Variants in ADGRG6 observed in about 807,000 individuals in gnomAD.
ADGRG6 encodes G-protein coupled receptor 126.
A neutral mutation model predicts 142.4 loss-of-function variants in ADGRG6; 84 were observed. The ratio of observed to expected loss-of-function variants is 0.59; its 90% CI spans 0.49 to 0.71. ADGRG6 has a LOEUF of 0.71. Ranked by LOEUF, ADGRG6 falls within the 30% of genes least tolerant of loss-of-function variation. ADGRG6 has a pLI of 0.00. For missense variants in ADGRG6, 1,367 were observed against 1,466.6 expected (o/e 0.93, Z 1.11); for synonymous variants, 521 against 520.5 (o/e 1.00, Z -0.01).
chr6:142,346,029 C>T (rs1016703026), intron 2 of ADGRG6, among the ~76,000 whole-genome samples: 1 of 152,090 alleles, frequency 6.6e-6, no homozygotes, highest in Non-Finnish European at 1.5e-5. Flanking sequence ...ACTTTAGTTC[C>T]TGTGAAGGGA....
At chr6:142,376,520 G>C (rs1390792713) in intron 4 of ADGRG6, among the ~76,000 whole-genome samples, 3 of 151,944 alleles carry the variant, frequency 2.0e-5, no homozygotes, top group African/African-American at 7.3e-5. Flanking sequence ...GTTTGCTAAG[G>C]TTTCATCAAC....
At chr6:142,436,904 T>G (rs996023715) in intron 22 of ADGRG6, among the ~76,000 whole-genome samples, 1 of 152,180 alleles carries the variant, frequency 6.6e-6, no homozygotes, top group Non-Finnish European at 1.5e-5. Context: ...GCCGCATGAT[T>G]TTGCTGATTT....
intron 21 of ADGRG6, among the ~76,000 whole-genome samples, chr6:142,419,241 C>A (rs1313041066): frequency 6.6e-6 from 1 of 152,112 alleles, no homozygotes; most frequent in African/African-American, 2.4e-5. Context: ...TCAGGGCCAA[C>A]AACTCTGCAG....
chr6:142,318,024 AT>A (rs1185507076), intron 2 of ADGRG6, among the ~76,000 whole-genome samples: 2 of 52,062 alleles, frequency 3.8e-5, no homozygotes, highest in Non-Finnish European at 3.1e-5. Context: ...TGTTATATAT[AT>A]TATATATAAT....
intron 9 of ADGRG6, 28 bp downstream of exon 9, chr6:142,393,986 A>G (rs980341809): frequency 5.8e-6 from 8 of 1,369,592 alleles, no homozygotes; most frequent in Non-Finnish European, 7.1e-6. Flanking sequence ...TGTAAAGAGT[A>G]TAACATTCTT....
intron 18 of ADGRG6, among the ~76,000 whole-genome samples, chr6:142,413,723 T>G (rs1438599186): frequency 6.6e-6 from 1 of 152,098 alleles, no homozygotes. Flanking sequence ...GGGTGCCCCG[T>G]GTTCTCCCAG....
intron 13 of ADGRG6, 140 bp downstream of exon 13, chr6:142,402,970 C>T: frequency 2.1e-6 from 1 of 466,400 alleles, no homozygotes; most frequent in Non-Finnish European, 3.7e-6. Flanking sequence ...AATAGTGAAG[C>T]AAGGTCATTC....
chr6:142,309,472 A>G, intron 1 of ADGRG6, 72 bp from the exon 2 acceptor site: 1 of 1,052,254 alleles, frequency 9.5e-7, no homozygotes, highest in Non-Finnish European at 1.4e-6. Context: ...GGAAACCTAT[A>G]GTTTTTACTT....
intron 6 of ADGRG6, among the ~76,000 whole-genome samples, chr6:142,385,522 A>T (rs1314148553): frequency 6.6e-6 from 1 of 152,134 alleles, no homozygotes; most frequent in Non-Finnish European, 1.5e-5. Context: ...CTCACTTTTT[A>T]ATGTAAACAT....
chr6:142,351,207 G>A (rs1350288606), intron 2 of ADGRG6, among the ~76,000 whole-genome samples: 5 of 152,120 alleles, frequency 3.3e-5, no homozygotes, highest in African/African-American at 1.2e-4. Context: ...ACTCCAGCCT[G>A]GGCAACAGAG....
At chr6:142,415,655 C>G in intron 19 of ADGRG6, 141 bp from the exon 20 acceptor site, 2 of 611,184 alleles carry the variant, frequency 3.3e-6, no homozygotes, top group Admixed American at 5.9e-5. Flanking sequence ...TTAGCCCCTC[C>G]TTTTAGCAGA....
At position 142,427,548 on chromosome 6, in the gene ADGRG6, A is replaced by G. The variant is rs539389248; in HGVS notation, c.3319+7444A>G. Among the ~76,000 whole-genome samples, 689 of 151,934 alleles carry G rather than the reference A, an allele frequency of 4.5e-3. 1 individual carries two copies. The highest frequency in any genetic ancestry group is 0.014 in the Middle Eastern group (4 of 294). ...CTTCTGAGCCCTCCAAACTGTTCCA[A>G]CCTCTGTCTGTTACCCAGTTCCCAA... On this transcript the variant is annotated intron_variant, in intron 22 of 24. Coordinates refer to ENST00000367609, the MANE Select transcript of ADGRG6 (RefSeq NM_198569.3).
intron 2 of ADGRG6, among the ~76,000 whole-genome samples, chr6:142,363,978 G>A (rs1309299449): frequency 1.3e-5 from 2 of 148,580 alleles, no homozygotes; most frequent in African/African-American, 4.9e-5. Context: ...TCACCGTTTT[G>A]TTCTGTATTT....
chr6:142,321,282 T>TAC (rs1282740150), intron 2 of ADGRG6, among the ~76,000 whole-genome samples: 1 of 107,586 alleles, frequency 9.3e-6, no homozygotes, highest in African/African-American at 4.9e-5. Context: ...AAAATAAGCA[T>TAC]GCATACACAC....
intron 2 of ADGRG6, among the ~76,000 whole-genome samples, chr6:142,356,171 C>G (rs143255305): frequency 0.028 from 4,329 of 152,274 alleles, 83 homozygotes; most frequent in Admixed American, 0.045. Flanking sequence ...AAGTAATAAG[C>G]TATTTTTTGT....
intron 10 of ADGRG6, among the ~76,000 whole-genome samples, chr6:142,398,220 A>G (rs1472519665): frequency 4.6e-5 from 7 of 152,186 alleles, no homozygotes; most frequent in African/African-American, 7.2e-5. Context: ...GAGCCCAGGA[A>G]TTCGAGACTA....
chr6:142,415,642 T>C (rs2115073301), intron 19 of ADGRG6, among the ~76,000 whole-genome samples, 154 bp from the exon 20 acceptor site: 1 of 152,310 alleles, frequency 6.6e-6, no homozygotes. Context: ...CTCATAAATA[T>C]CCTTAGCCCC....
At position 142,317,025 on chromosome 6, in the gene ADGRG6, A is replaced by G. The variant is rs185695027; in HGVS notation, c.103+7381A>G. On this transcript the variant is annotated intron_variant, in intron 2 of 24. Coordinates refer to ENST00000367609, the MANE Select transcript of ADGRG6 (RefSeq NM_198569.3). ...TACTTGTAGGCAGCTCAAGACCACA[A>G]ACATTTTTGTTTCAATACTGCTGAT... Among the ~76,000 whole-genome samples, 50 of 152,240 alleles carry G rather than the reference A, an allele frequency of 3.3e-4. 1 individual carries two copies. The highest frequency in any genetic ancestry group is 6.0e-4 in the Non-Finnish European group (41 of 67,990).
At chr6:142,319,111 C>T (rs1778394194) in intron 2 of ADGRG6, among the ~76,000 whole-genome samples, 1 of 152,032 alleles carries the variant, frequency 6.6e-6, no homozygotes, top group African/African-American at 2.4e-5. Context: ...TACTGTTGTG[C>T]CTTAGAAATG....
Sources: allele counts gnomAD v4.1 joint callset (sites outside exome capture counted in the v4.1 genomes callset), GRCh38; gene constraint gnomAD v4.1.1; transcripts MANE v1.5; gene names NCBI Gene and HGNC (gene_info 2026-07-23, HGNC 2026-07-21).